The following SORCS2 variants were observed in gnomAD, a reference collection of about 807,000 sequenced individuals.
SORCS2 encodes VPS10 domain-containing receptor SorCS2.
Under a neutral mutation model 141.6 loss-of-function variants are expected in SORCS2, and 100 were observed. That is an observed-to-expected ratio of 0.71 (90% CI 0.60 to 0.83). The LOEUF is 0.83. Ranked by LOEUF, SORCS2 falls within the 40% of genes least tolerant of loss-of-function variation. The pLI is 0.00. For missense variants in SORCS2, 1,646 were observed against 1,560.2 expected (o/e 1.05, Z -0.93); for synonymous variants, 789 against 676.9 (o/e 1.17, Z -2.57).
At position 7,740,924 on chromosome 4, in the gene SORCS2, G is replaced by A. The variant is rs1049830916; in HGVS notation, c.*660G>A. On this transcript the variant is annotated 3_prime_UTR_variant, in exon 27 of 27. Transcript: ENST00000507866. Reference sequence around the variant, plus strand: ...GTGGCTCTGTCAGAGTTCCGTACTCGGGAGCCCCTTTCCCTGAGTGCCCAG... The same window carrying A: ...GTGGCTCTGTCAGAGTTCCGTACTCAGGAGCCCCTTTCCCTGAGTGCCCAG... The A allele has an allele frequency of 3.0e-5, 12 of 398,034 alleles. No homozygotes were observed. The highest frequency in any genetic ancestry group is 4.9e-5 in the Non-Finnish European group (11 of 226,344). The allele number at this position is 398,034 out of a possible 1,614,324, so 24.7% of individuals were successfully genotyped here. A position where few individuals can be genotyped will look rare whatever the true frequency, so the allele number is the denominator to read the frequency against.
chr4:7,699,238 A>G (rs1268190042), intron 12 of SORCS2, among the ~76,000 whole-genome samples: 1 of 152,160 alleles, frequency 6.6e-6, no homozygotes, highest in Admixed American at 6.5e-5. Context: ...AGGAAACCAC[A>G]GGAATGGGCG....
At position 7,638,241 on chromosome 4, in the gene SORCS2, G is replaced by T. The variant is rs772687345; in HGVS notation, c.649-87G>T. The T allele has an allele frequency of 1.1e-5, 15 of 1,419,320 alleles. No homozygotes were observed. The Admixed American group carries it at 3.4e-4, about 33-fold the overall frequency. The allele number at this position is 1,419,320 out of a possible 1,614,324, so 87.9% of individuals were successfully genotyped here. On this transcript the variant is annotated intron_variant, in intron 3 of 26. Transcript: ENST00000507866. ...CCTTTCTGGTGTGAGGGAGAGAGGC[G>T]CACCTGGCCCAGGCCTCACAACACC...
intron 2 of SORCS2, among the ~76,000 whole-genome samples, chr4:7,397,125 A>AT (rs1177137034): frequency 6.6e-6 from 1 of 151,996 alleles, no homozygotes; most frequent in African/African-American, 2.4e-5. Context: ...TAATTAATTC[A>AT]TTTTTTCTAT....
intron 1 of SORCS2, among the ~76,000 whole-genome samples, chr4:7,388,903 T>G (rs1382464446): frequency 1.3e-5 from 2 of 151,950 alleles, no homozygotes; most frequent in Non-Finnish European, 2.9e-5. Context: ...TGTTGTGGTG[T>G]TGTGGTGTTG....
intron 1 of SORCS2, among the ~76,000 whole-genome samples, chr4:7,278,364 C>T (rs1001126881): frequency 3.3e-5 from 5 of 152,114 alleles, no homozygotes; most frequent in Non-Finnish European, 7.4e-5. Flanking sequence ...TCATCATCAA[C>T]TCCTCAGGCA....
At chr4:7,381,977 C>T (rs76395764) in intron 1 of SORCS2, 26,781 of 985,666 alleles carry the variant, frequency 0.027, 518 homozygotes, top group East Asian at 0.14. Flanking sequence ...GTGGAGTCTC[C>T]AGAGGAAACA....
chr4:7,503,630 A>G lies in SORCS2; in HGVS notation c.549-27900A>G, dbSNP rs142964154. Among the ~76,000 whole-genome samples the G allele has an allele frequency of 1.2e-4, 18 of 152,302 alleles. No homozygotes were observed. The East Asian group carries it at 2.5e-3, about 21-fold the overall frequency. On this transcript the variant is annotated intron_variant, in intron 2 of 26. Coordinates refer to ENST00000507866, the MANE Select transcript of SORCS2 (RefSeq NM_020777.3). ...GAGAGGGTATACCCAGGATGCAGGG[A>G]GAGGCACAGGTGCAGATGGAGGTGG...
intron 1 of SORCS2, among the ~76,000 whole-genome samples, chr4:7,336,404 G>A (rs544919362): frequency 2.0e-5 from 3 of 152,074 alleles, no homozygotes; most frequent in African/African-American, 4.8e-5. Context: ...CCTTGGCCCC[G>A]GCTGAGATCA....
chr4:7,504,955 T>C (rs1382713581), intron 2 of SORCS2, among the ~76,000 whole-genome samples: 2 of 152,194 alleles, frequency 1.3e-5, no homozygotes, highest in Non-Finnish European at 2.9e-5. Context: ...ATGATGCTTC[T>C]TGAACTGGAA....
At chr4:7,360,134 T>C (rs1191694705) in intron 1 of SORCS2, among the ~76,000 whole-genome samples, 6 of 152,334 alleles carry the variant, frequency 3.9e-5, no homozygotes, top group East Asian at 1.9e-4. Flanking sequence ...CCAACGTTGA[T>C]TGAATATTAA....
At chr4:7,194,840 C>G (rs1186911438) in intron 1 of SORCS2, among the ~76,000 whole-genome samples, 1 of 152,224 alleles carries the variant, frequency 6.6e-6, no homozygotes, top group Non-Finnish European at 1.5e-5. Flanking sequence ...CCCGCAGGGC[C>G]AGAAAGCTCT....
intron 2 of SORCS2, among the ~76,000 whole-genome samples, chr4:7,412,458 C>T (rs1160206297): frequency 6.6e-6 from 1 of 152,142 alleles, no homozygotes; most frequent in African/African-American, 2.4e-5. Flanking sequence ...CCCATCCAGA[C>T]GACCCCGTGC....
intron 2 of SORCS2, among the ~76,000 whole-genome samples, chr4:7,490,705 C>T (rs565847076): frequency 6.6e-6 from 1 of 152,286 alleles, no homozygotes; most frequent in African/African-American, 2.4e-5. Flanking sequence ...GAAATGGGGG[C>T]AGGTTGTTTG....
intron 3 of SORCS2, among the ~76,000 whole-genome samples, chr4:7,550,561 A>C (rs535356302): frequency 6.6e-6 from 1 of 152,156 alleles, no homozygotes; most frequent in Non-Finnish European, 1.5e-5. Flanking sequence ...TGTCTGGGGA[A>C]CCCAGCTGGC....
chr4:7,208,700 C>T (rs1203771085), intron 1 of SORCS2, among the ~76,000 whole-genome samples: 2 of 152,160 alleles, frequency 1.3e-5, no homozygotes, highest in African/African-American at 4.8e-5. Flanking sequence ...ATAGGGTCCC[C>T]CAAGTTTTTC....
chr4:7,682,645 G>A (rs1207504559), intron 9 of SORCS2, 98 bp from the exon 10 acceptor site: 2 of 1,231,536 alleles, frequency 1.6e-6, no homozygotes, highest in East Asian at 2.5e-5. Context: ...GAGGCCACAT[G>A]TGCAGAGCAC....
chr4:7,507,912 C>A (rs1732374354), intron 2 of SORCS2, among the ~76,000 whole-genome samples: 1 of 152,136 alleles, frequency 6.6e-6, no homozygotes, highest in African/African-American at 2.4e-5. Context: ...ATATGTATAA[C>A]CACTTCAGTG....
chr4:7,516,950 T>C (rs1414644769), intron 2 of SORCS2, among the ~76,000 whole-genome samples: 1 of 152,176 alleles, frequency 6.6e-6, no homozygotes, highest in Non-Finnish European at 1.5e-5. Context: ...TCAGCCCCTC[T>C]ACCTCCTCCC....
chr4:7,709,442 A>T lies in SORCS2; in HGVS notation c.1869-3291A>T, dbSNP rs545379838. Among the ~76,000 whole-genome samples the T allele has an allele frequency of 2.6e-5, 4 of 152,364 alleles. No homozygotes were observed. The East Asian group carries it at 7.7e-4, about 29-fold the overall frequency. On this transcript the variant is annotated intron_variant, in intron 14 of 26. Coordinates refer to ENST00000507866, the MANE Select transcript of SORCS2 (RefSeq NM_020777.3). ...AGGTGAGGCATTTTATCCCAGAAGG[A>T]TAATGGCCGAATTCACAGCCAGGTG...
Sources: allele counts gnomAD v4.1 joint callset (sites outside exome capture counted in the v4.1 genomes callset), GRCh38; gene constraint gnomAD v4.1.1; transcripts MANE v1.5; gene names NCBI Gene and HGNC (gene_info 2026-07-23, HGNC 2026-07-21).